ADAMTS9: variants seen among roughly 807,000 people sequenced by gnomAD.
ADAMTS9 encodes A disintegrin and metalloproteinase with thrombospondin motifs 9.
A neutral mutation model predicts 257.1 loss-of-function variants in ADAMTS9; 107 were observed. The observed-to-expected ratio is 0.42, with a 90% CI of 0.36 to 0.49. ADAMTS9 has a LOEUF of 0.49. ADAMTS9 is among the 20% of genes least tolerant of loss of function. ADAMTS9 has a pLI of 0.03. For synonymous variants in ADAMTS9, 982 were observed against 880.9 expected (o/e 1.11, Z -2.03); for missense variants, 2,353 against 2,469.1 (o/e 0.95, Z 1.00).
chr3:64,528,338 G>C (rs2082935463), intron 38 of ADAMTS9, among the ~76,000 whole-genome samples: 1 of 152,238 alleles, frequency 6.6e-6, no homozygotes. Flanking sequence ...ACACGTTGGA[G>C]AGTTGAGGGT....
Position 64,657,071 on chromosome 3 carries a change from G to A in ADAMTS9, c.970-1196C>T, listed in dbSNP as rs907307640. On this transcript the variant is annotated intron_variant, in intron 4 of 39. Transcript: ENST00000498707. The stretch of plus-strand genomic sequence containing the variant: ...AACAGCAATGTGTAATACAGTATGT[G>A]AAAATGCCTCCTGTTTGAAAAGAAG... 4.9e-4 allele frequency among the ~76,000 whole-genome samples: 74 copies of A among 152,250 alleles called. No individual in the cohort carries two copies. In the Middle Eastern group the frequency reaches 0.014, roughly 28 times the overall value.
chr3:64,615,215 G>A (rs1378912626), intron 21 of ADAMTS9, 106 bp downstream of exon 21: 1 of 1,289,652 alleles, frequency 7.8e-7, no homozygotes, highest in Non-Finnish European at 1.1e-6. Flanking sequence ...GGGAGAAAGG[G>A]AGAGGTGGGA....
intron 8 of ADAMTS9, 41 bp downstream of exon 8, chr3:64,654,312 G>A: frequency 6.3e-7 from 1 of 1,576,008 alleles, no homozygotes; most frequent in East Asian, 2.2e-5. Flanking sequence ...AAAAGGTTTA[G>A]GTCACTCCAA....
At position 64,665,148 on chromosome 3, in the gene ADAMTS9, C is replaced by A. The variant is rs142937525; in HGVS notation, c.680-6357G>T. On this transcript the variant is annotated intron_variant, in intron 3 of 39. Transcript: ENST00000498707. ...TTAGACGTGTTTAAAAAAGCTCTAA[C>A]TGGCAACTGTATGTTTCCTATCGCC... 3.0e-3 allele frequency among the ~76,000 whole-genome samples: 461 copies of A among 152,318 alleles called. 1 individual carries two copies. The highest frequency in any genetic ancestry group is 0.011 in the African/African-American group (445 of 41,562).
intron 37 of ADAMTS9, among the ~76,000 whole-genome samples, chr3:64,535,533 T>C (rs1049613466): frequency 7.5e-6 from 1 of 133,206 alleles, no homozygotes; most frequent in African/African-American, 2.8e-5. Flanking sequence ...CCATTGGCCA[T>C]TTTCTTTTCT....
At chr3:64,659,283 C>T (rs930273642) in intron 3 of ADAMTS9, among the ~76,000 whole-genome samples, 9 of 152,074 alleles carry the variant, frequency 5.9e-5, no homozygotes, top group African/African-American at 1.4e-4. Flanking sequence ...GACTGGCCAA[C>T]GTGTCGAAGC....
chr3:64,615,931 G>A, intron 20 of ADAMTS9, 29 bp downstream of exon 20: 1 of 1,611,720 alleles, frequency 6.2e-7, no homozygotes, highest in Non-Finnish European at 8.5e-7. Flanking sequence ...CAGCATCCAA[G>A]AAGACTCTTT....
In ADAMTS9 at chr3:64,649,724, C is replaced by T; in HGVS notation, c.1518G>A (p.Leu506=). 1.9e-6 allele frequency: 3 copies of T among 1,613,960 alleles called. No homozygotes were observed. Among genetic ancestry groups the T allele is most frequent in the Non-Finnish European group, 2.5e-6 (3 of 1,179,968 alleles). The change falls in exon 10 of 40, where the codon TTG becomes TTA. Residue 506 remains leucine, a synonymous_variant. Coordinates refer to ENST00000498707, the MANE Select transcript of ADAMTS9 (RefSeq NM_182920.2). ...AAAGGATGCCTGGCAGTTGGACAGG[C>T]AAAGGGTAGGGTCTGGATTCAGGTT... ...LNEPESRPYP[L]PVQLPGILYN...
intron 39 of ADAMTS9, among the ~76,000 whole-genome samples, 179 bp from the exon 40 acceptor site, chr3:64,517,300 G>A (rs1157179173): frequency 4.6e-5 from 7 of 151,900 alleles, no homozygotes; most frequent in African/African-American, 1.7e-4. Context: ...GGAGTGCAAT[G>A]GCATGATCAT....
intron 8 of ADAMTS9, 138 bp from the exon 9 acceptor site, chr3:64,651,301 G>T: frequency 1.6e-6 from 1 of 615,666 alleles, no homozygotes; most frequent in Non-Finnish European, 2.6e-6. Context: ...CTGGTAAGCA[G>T]AATAAAATGT....
At chr3:64,609,351 T>C (rs2084623765) in intron 22 of ADAMTS9, among the ~76,000 whole-genome samples, 1 of 152,140 alleles carries the variant, frequency 6.6e-6, no homozygotes, top group Admixed American at 6.6e-5. Context: ...CTAATTCTAT[T>C]TGCAGATGTC....
At chr3:64,580,736 G>A (rs2083978093) in intron 28 of ADAMTS9, among the ~76,000 whole-genome samples, 1 of 152,136 alleles carries the variant, frequency 6.6e-6, no homozygotes, top group Admixed American at 6.5e-5. Flanking sequence ...TCTGACTTGT[G>A]ATAAGTAAAA....
Position 64,633,848 on chromosome 3 carries a change from G to A in ADAMTS9, c.1888C>T (p.Arg630Cys), listed in dbSNP as rs151071264. The stretch of plus-strand genomic sequence containing the variant: ...TTGCAGGACTTAAATTTCATTCTAC[G>A]TCCTACACAGTATTTTCCACCATTT... ...PKNGGKYCVG[R>C]RMKFKSCNTE... Residue 630 changes from arginine to cysteine, a missense_variant, in exon 13 of 40, where the codon CGT becomes TGT. Transcript: ENST00000498707. The A allele has an allele frequency of 5.3e-4, 851 of 1,612,826 alleles. 1 individual carries two copies. The highest frequency in any genetic ancestry group is 6.6e-4 in the Non-Finnish European group (780 of 1,179,838).
At chr3:64,664,479 T>C (rs1701302852) in intron 3 of ADAMTS9, among the ~76,000 whole-genome samples, 1 of 152,208 alleles carries the variant, frequency 6.6e-6, no homozygotes. Context: ...TATATTGTTC[T>C]ATTTATGAAT....
At chr3:64,578,580 A>G (rs1279057058) in intron 28 of ADAMTS9, among the ~76,000 whole-genome samples, 1 of 152,192 alleles carries the variant, frequency 6.6e-6, no homozygotes, top group Non-Finnish European at 1.5e-5. Flanking sequence ...CAGGATGCTT[A>G]ACCACTGCAA....
intron 3 of ADAMTS9, among the ~76,000 whole-genome samples, chr3:64,674,890 C>T (rs1701590442): frequency 6.6e-6 from 1 of 152,042 alleles, no homozygotes; most frequent in African/African-American, 2.4e-5. Flanking sequence ...TAATGGGATC[C>T]AAGAGGTTAA....
chr3:64,525,156 A>G (rs2082895717), intron 38 of ADAMTS9, among the ~76,000 whole-genome samples: 1 of 152,192 alleles, frequency 6.6e-6, no homozygotes, highest in African/African-American at 2.4e-5. Context: ...AACCTACCAC[A>G]GTGTGTGGCT....
chr3:64,669,981 G>A (rs930771674), intron 3 of ADAMTS9, among the ~76,000 whole-genome samples: 9 of 152,260 alleles, frequency 5.9e-5, no homozygotes, highest in Non-Finnish European at 1.0e-4. Flanking sequence ...CAAAGATACC[G>A]CTGGAAAAGC....
At chr3:64,656,394 A>C (rs1028192367) in intron 4 of ADAMTS9, among the ~76,000 whole-genome samples, 1 of 152,160 alleles carries the variant, frequency 6.6e-6, no homozygotes, top group Non-Finnish European at 1.5e-5. Flanking sequence ...ACACACATGC[A>C]TTTAGTCTCT....
Sources: allele counts gnomAD v4.1 joint callset (sites outside exome capture counted in the v4.1 genomes callset), GRCh38; gene constraint gnomAD v4.1.1; transcripts MANE v1.5; gene names NCBI Gene and HGNC (gene_info 2026-07-23, HGNC 2026-07-21).